The following LPAR1 variants were observed in gnomAD, a reference collection of about 807,000 sequenced individuals.
LPAR1 encodes the protein lysophosphatidic acid receptor 1.
Under a neutral mutation model 23.8 loss-of-function variants are expected in LPAR1, and 5 were observed. The ratio of observed to expected loss-of-function variants is 0.21; its 90% CI spans 0.11 to 0.44. LPAR1 has a LOEUF of 0.44. LPAR1 is among the 20% of genes least tolerant of loss of function. The pLI, the probability that LPAR1 is intolerant of heterozygous loss-of-function variation, is 0.99. For synonymous variants in LPAR1, 160 were observed against 164.7 expected (o/e 0.97, Z 0.22); for missense variants, 311 against 482.8 (o/e 0.64, Z 3.33).
intron 5 of LPAR1, among the ~76,000 whole-genome samples, chr9:110,932,070 A>G (rs1163568260): frequency 6.6e-6 from 1 of 152,198 alleles, no homozygotes; most frequent in South Asian, 2.1e-4. Flanking sequence ...CTGCTTAATT[A>G]TAACGACCTT....
chr9:110,905,851 C>T (rs923583942), intron 5 of LPAR1, among the ~76,000 whole-genome samples: 1 of 152,150 alleles, frequency 6.6e-6, no homozygotes, highest in African/African-American at 2.4e-5. Context: ...CCAGTGTGTG[C>T]ACTTGCTGGC....
chr9:110,874,157 A>T lies in LPAR1; in HGVS notation c.*1264T>A. 1 of 152,664 alleles carries T rather than the reference A, an allele frequency of 6.6e-6. No individual in the cohort carries two copies. Among genetic ancestry groups the T allele is most frequent in the East Asian group, 1.9e-4 (1 of 5,202 alleles). 9.5% of individuals were successfully genotyped at this position (152,664 alleles called of 1,614,324 possible). On this transcript the variant is annotated 3_prime_UTR_variant, in exon 6 of 6. Coordinates refer to ENST00000683809, the MANE Select transcript of LPAR1 (RefSeq NM_001351411.2). ...TGGGAATATATCCTAATAATCAATT[A>T]TATGGAGACAGTTTTATGTACACCA...
At chr9:110,945,890 T>A (rs561447745) in intron 4 of LPAR1, among the ~76,000 whole-genome samples, 5 of 152,270 alleles carry the variant, frequency 3.3e-5, no homozygotes, top group African/African-American at 7.2e-5. Context: ...TGATGACCCC[T>A]GTGATTACAC....
chr9:110,978,318 T>C (rs1379698207), intron 2 of LPAR1, among the ~76,000 whole-genome samples: 1 of 152,136 alleles, frequency 6.6e-6, no homozygotes, highest in African/African-American at 2.4e-5. Flanking sequence ...AAATTAGTGA[T>C]GCAAAAGATA....
intron 5 of LPAR1, among the ~76,000 whole-genome samples, chr9:110,933,995 G>T (rs377142070): frequency 1.2e-4 from 18 of 152,238 alleles, no homozygotes; most frequent in Admixed American, 1.1e-3. Context: ...GGTCTGGGAA[G>T]CACTGTGGGA....
chr9:110,963,734 A>G (rs1384793355), intron 4 of LPAR1, among the ~76,000 whole-genome samples: 2 of 152,240 alleles, frequency 1.3e-5, no homozygotes, highest in East Asian at 1.9e-4. Flanking sequence ...TACGTCAGGT[A>G]TCTATCAAAA....
At chr9:110,908,238 CTTAAA>C (rs1174699586) in intron 5 of LPAR1, among the ~76,000 whole-genome samples, 49 of 150,174 alleles carry the variant, frequency 3.3e-4, no homozygotes, top group African/African-American at 1.1e-3. Flanking sequence ...AAATATTTTA[CTTAAA>C]TTATTTTAAA....
intron 5 of LPAR1, among the ~76,000 whole-genome samples, chr9:110,926,206 C>G (rs999236570): frequency 1.3e-5 from 2 of 152,210 alleles, no homozygotes; most frequent in African/African-American, 4.8e-5. Flanking sequence ...AGGCGTGAGC[C>G]ACCACGCCCA....
chr9:110,972,097 GGAAGTAGAGATGGCA>G lies in LPAR1; in HGVS notation c.6_20del (p.Ala3_Ser7del). 6.2e-7 allele frequency: 1 copy of G among 1,613,986 alleles called. No homozygotes were observed. The highest frequency in any genetic ancestry group is 8.5e-7 in the Non-Finnish European group (1 of 1,179,882). On this transcript the variant is annotated inframe_deletion, in exon 4 of 6. Transcript: ENST00000683809. The stretch of plus-strand genomic sequence containing the variant: ...CCTGGGGCTGTGAAATTACAGGGAT[GGAAGTAGAGATGGCA>G]GCCATGACAGCTCTGTGGTTGTAGG...
intron 4 of LPAR1, among the ~76,000 whole-genome samples, chr9:110,952,019 G>A (rs1029524946): frequency 4.6e-5 from 7 of 152,184 alleles, no homozygotes; most frequent in East Asian, 3.8e-4. Context: ...AAGCCAAGAC[G>A]GCTGACTAGA....
chr9:110,946,153 G>A (rs1330300885), intron 4 of LPAR1, among the ~76,000 whole-genome samples: 2 of 152,010 alleles, frequency 1.3e-5, no homozygotes, highest in Non-Finnish European at 2.9e-5. Context: ...GAAGACTAAG[G>A]AAATTCACCC....
In LPAR1 at chr9:110,887,359, T is replaced by C. The variant is rs535176409; in HGVS notation, c.794-11637A>G. On this transcript the variant is annotated intron_variant, in intron 5 of 5. Coordinates refer to ENST00000683809, the MANE Select transcript of LPAR1 (RefSeq NM_001351411.2). The stretch of plus-strand genomic sequence containing the variant: ...AAAAATGTTTATATTTATATAAATA[T>C]AATTTTTAATAGCCAAAAGACATGA... 2.6e-3 allele frequency among the ~76,000 whole-genome samples: 400 copies of C among 152,104 alleles called. 3 individuals carry two copies. Among genetic ancestry groups the C allele is most frequent in the Non-Finnish European group, 4.5e-3 (305 of 67,960 alleles).
chr9:110,980,393 G>GCAA (rs1222966344), intron 2 of LPAR1, among the ~76,000 whole-genome samples: 2 of 151,976 alleles, frequency 1.3e-5, no homozygotes, highest in African/African-American at 4.8e-5. Flanking sequence ...ATTGTAGGAA[G>GCAA]CAAGCAAGGA....
chr9:110,974,095 G>T (rs2096493719), intron 2 of LPAR1, among the ~76,000 whole-genome samples: 1 of 151,828 alleles, frequency 6.6e-6, no homozygotes. Flanking sequence ...GGAGGCGGAG[G>T]TTGCAGTGAG....
intron 4 of LPAR1, among the ~76,000 whole-genome samples, chr9:110,970,728 C>G (rs890141543): frequency 2.6e-5 from 4 of 152,230 alleles, no homozygotes; most frequent in Non-Finnish European, 4.4e-5. Context: ...AAAATACATA[C>G]AAAATTGAAT....
intron 2 of LPAR1, among the ~76,000 whole-genome samples, chr9:111,014,615 G>A (rs1164346830): frequency 6.6e-6 from 1 of 152,134 alleles, no homozygotes; most frequent in Non-Finnish European, 1.5e-5. Context: ...ATGGCCTGAA[G>A]TGAGCCCCCT....
intron 2 of LPAR1, among the ~76,000 whole-genome samples, chr9:110,974,735 A>G (rs1416749022): frequency 6.6e-6 from 1 of 152,198 alleles, no homozygotes; most frequent in Non-Finnish European, 1.5e-5. Flanking sequence ...TTTAGGAACA[A>G]ATGAGACTTG....
At chr9:110,963,063 G>C (rs1014720492) in intron 4 of LPAR1, among the ~76,000 whole-genome samples, 1 of 152,068 alleles carries the variant, frequency 6.6e-6, no homozygotes, top group African/African-American at 2.4e-5. Context: ...GGCAAGAAGT[G>C]GGAAAAAGCC....
In LPAR1 at chr9:110,875,278, A is replaced by G. The variant is rs2078812217; in HGVS notation, c.*143T>C. 3.1e-6 allele frequency: 2 copies of G among 650,480 alleles called. No homozygotes were observed. Among genetic ancestry groups the G allele is most frequent in the Non-Finnish European group, 5.2e-6 (2 of 386,546 alleles). 40.3% of individuals were successfully genotyped at this position (650,480 alleles called of 1,614,324 possible). On this transcript the variant is annotated 3_prime_UTR_variant, in exon 6 of 6. Transcript: ENST00000683809. ...ATATCAAGTCTTGTGGGGTCCAGGAACAAATACTGTCATTGGTTAGTGTTT... is the reference window on the plus strand; with the variant it reads ...ATATCAAGTCTTGTGGGGTCCAGGAGCAAATACTGTCATTGGTTAGTGTTT...
Sources: gnomAD v4.1 joint callset for allele counts (sites outside exome capture counted in the v4.1 genomes callset) on GRCh38, gnomAD v4.1.1 for gene constraint, MANE v1.5 for transcripts, NCBI Gene and HGNC (gene_info 2026-07-23, HGNC 2026-07-21) for gene names.